The following ATP6V1E1 variants were observed in gnomAD, a reference collection of about 807,000 sequenced individuals.
The protein encoded by ATP6V1E1 is ATPase H+ transporting V1 subunit E1.
Under a neutral mutation model 35.2 loss-of-function variants are expected in ATP6V1E1, and 21 were observed. The observed-to-expected ratio is 0.60, with a 90% CI of 0.42 to 0.86. The LOEUF (loss-of-function observed/expected upper bound fraction) is 0.86, where lower values mean the gene tolerates loss of function less well. ATP6V1E1 is among the 40% of genes least tolerant of loss of function. ATP6V1E1 has a pLI of 0.00. For missense variants in ATP6V1E1, 183 were observed against 272.6 expected, an observed-to-expected ratio of 0.67 and a Z score of 2.32; for synonymous variants, 83 against 87.8, an observed-to-expected ratio of 0.95 and a Z score of 0.30.
chr22:17,626,338 G>GAAA (rs1370797196), intron 1 of ATP6V1E1, among the ~76,000 whole-genome samples: 1 of 129,466 alleles, frequency 7.7e-6, no homozygotes, highest in African/African-American at 2.9e-5. Context: ...AGAAAGAAAA[G>GAAA]AAAAAGCGGT....
Position 17,594,515 on chromosome 22 carries a change from A to AC in ATP6V1E1, c.618+13dup, listed in dbSNP as rs748948153. On this transcript the variant is annotated intron_variant, in intron 8 of 8. Transcript: ENST00000253413. ...AACAGCAGACCAACTACCAAGAAGT[A>AC]CCCCCACACTCACCTGCTGGGCTAT... The AC allele has an allele frequency of 2.6e-6, 4 of 1,537,672 alleles. No homozygotes were observed. The highest frequency in any genetic ancestry group is 1.4e-5 in the African/African-American group (1 of 72,158).
chr22:17,608,021 C>T (rs2057794887), intron 4 of ATP6V1E1, among the ~76,000 whole-genome samples: 1 of 152,202 alleles, frequency 6.6e-6, no homozygotes, highest in African/African-American at 2.4e-5. Context: ...CGGTTTTTCA[C>T]TCACACTGCT....
In ATP6V1E1 at chr22:17,600,070, C is replaced by T. The variant is rs144829775; in HGVS notation, c.392G>A (p.Arg131Gln). 8.3e-5 allele frequency: 134 copies of T among 1,613,818 alleles called. 4 individuals carry two copies. The South Asian group carries it at 1.2e-3, about 15-fold the overall frequency. ...TTGTTTCCTGCAACGAACAATCATT[C>T]GGGGCTCCAGCAACTGGTACAAACC... ...LQGLYQLLEP[R>Q]MIVRCRKQDF... is the part of the protein sequence containing the mutation. Residue 131 changes from arginine to glutamine, a missense_variant, in exon 6 of 9, where the codon CGA (arginine) becomes CAA (glutamine). Arg to Gln is a conservative substitution (Grantham distance 43). Transcript: ENST00000253413.
At chr22:17,612,073 A>T (rs1388492780) in intron 4 of ATP6V1E1, among the ~76,000 whole-genome samples, 1 of 152,174 alleles carries the variant, frequency 6.6e-6, no homozygotes, top group Non-Finnish European at 1.5e-5. Context: ...ACATTGCTGG[A>T]TTAGTTATAG....
At chr22:17,615,475 G>T (rs9617603) in intron 2 of ATP6V1E1, among the ~76,000 whole-genome samples, 1,937 of 150,456 alleles carry the variant, frequency 0.013, 34 homozygotes, top group African/African-American at 0.046. Context: ...GTGAAAGCCC[G>T]TCTCTACTAA....
rs555345231 is a variant in ATP6V1E1, at chr22:17,621,049, G to A, written c.34-1523C>T. On this transcript the variant is annotated intron_variant, in intron 1 of 8. Coordinates refer to ENST00000253413, the MANE Select transcript of ATP6V1E1 (RefSeq NM_001696.4). ...TGCACACCAGCCTGGGCGACAGAGC[G>A]AGACTCTGTCTCAAAAAAAAAAATA... 1.8e-4 allele frequency among the ~76,000 whole-genome samples: 28 copies of A among 151,974 alleles called. No individual in the cohort carries two copies. The South Asian group carries it at 4.6e-3, about 25-fold the overall frequency.
chr22:17,610,149 A>G (rs2057808336), intron 4 of ATP6V1E1, among the ~76,000 whole-genome samples: 1 of 152,158 alleles, frequency 6.6e-6, no homozygotes, highest in African/African-American at 2.4e-5. Context: ...TCTAAAAGCC[A>G]ACTAGTAATT....
chr22:17,626,014 A>G (rs1207340581), intron 1 of ATP6V1E1, among the ~76,000 whole-genome samples: 1 of 152,044 alleles, frequency 6.6e-6, no homozygotes. Flanking sequence ...AATGTAAGCA[A>G]AAGGGGTCCT....
chr22:17,619,149 G>A (rs1467005974), intron 2 of ATP6V1E1: 1 of 446,692 alleles, frequency 2.2e-6, no homozygotes, highest in African/African-American at 2.0e-5. Context: ...AATATTAGCT[G>A]GGTTTGGTGG....
intron 4 of ATP6V1E1, among the ~76,000 whole-genome samples, chr22:17,605,205 CAAAAAAA>C (rs898076791): frequency 3.6e-4 from 20 of 54,882 alleles, no homozygotes; most frequent in African/African-American, 1.6e-3. Flanking sequence ...GACTTCATCT[CAAAAAAA>C]AAAAAAAAAA....
intron 2 of ATP6V1E1, among the ~76,000 whole-genome samples, chr22:17,615,411 G>A (rs1481337099): frequency 2.0e-5 from 3 of 152,136 alleles, no homozygotes; most frequent in South Asian, 4.1e-4. Flanking sequence ...TTGGGAGGCC[G>A]AGGTAGGCGG....
At chr22:17,598,123 A>C in intron 7 of ATP6V1E1, 71 bp downstream of exon 7, 1 of 1,223,352 alleles carries the variant, frequency 8.2e-7, no homozygotes, top group South Asian at 1.2e-5. Context: ...ATACCATTTA[A>C]AAAAGGCCTG....
Position 17,628,720 on chromosome 22 carries a change from C to T in ATP6V1E1, c.-85G>A, listed in dbSNP as rs2057941216. 2 of 1,569,240 alleles carry T rather than the reference C, an allele frequency of 1.3e-6. No homozygotes were observed. The highest frequency in any genetic ancestry group is 8.8e-7 in the Non-Finnish European group (1 of 1,139,848). ...TGAGAGAAATCGGCAAAGGGAACCC[C>T]TGCGCAGATCTCGGGTTCCTTTACT... On this transcript the variant is annotated 5_prime_UTR_variant, in exon 1 of 9. Transcript: ENST00000253413.
chr22:17,625,975 C>T (rs1425836458), intron 1 of ATP6V1E1, among the ~76,000 whole-genome samples: 1 of 151,790 alleles, frequency 6.6e-6, no homozygotes, highest in Non-Finnish European at 1.5e-5. Flanking sequence ...CTACTTGGTG[C>T]CAAACACCGT....
chr22:17,619,471 A>G lies in ATP6V1E1; in HGVS notation c.89T>C (p.Ile30Thr). ...EQEANEKAEE[I>T]DAKAEEEFNI... ...GAAAATGAATCTCACCTTTGCATCT[A>G]TTTCTTCTGCTTTCTCATTGGCTTC... Residue 30 changes from isoleucine to threonine, a missense_variant, in exon 2 of 9, where the codon ATA becomes ACA. By Grantham distance (89) the Ile-to-Thr change is moderately conservative (BLOSUM62 -1). Transcript: ENST00000253413. The G allele has an allele frequency of 1.2e-6, 2 of 1,605,334 alleles. No individual in the cohort carries two copies. The highest frequency in any genetic ancestry group is 2.2e-5 in the South Asian group (2 of 89,526).
At chr22:17,598,055 C>A in intron 7 of ATP6V1E1, 139 bp downstream of exon 7, 1 of 675,838 alleles carries the variant, frequency 1.5e-6, no homozygotes, top group Non-Finnish European at 2.6e-6. Flanking sequence ...GGAACGGCTG[C>A]AAGTAGAATA....
intron 7 of ATP6V1E1, chr22:17,594,904 G>T: frequency 4.9e-6 from 1 of 203,808 alleles, no homozygotes; most frequent in Non-Finnish European, 9.8e-6. Context: ...ACTTAAAATA[G>T]CTAATACGAT....
intron 1 of ATP6V1E1, among the ~76,000 whole-genome samples, chr22:17,623,896 T>C (rs41345445): frequency 0.11 from 16,896 of 151,978 alleles, 1,146 homozygotes; most frequent in African/African-American, 0.19. Context: ...CTTTTAAGAG[T>C]TCCAAGAAGA....
intron 2 of ATP6V1E1, among the ~76,000 whole-genome samples, chr22:17,618,563 T>C (rs770863138): frequency 5.2e-4 from 78 of 150,210 alleles, no homozygotes; most frequent in Non-Finnish European, 8.1e-4. Context: ...GTGTCTGTAA[T>C]CCCAGCTACT....
Sources: gnomAD v4.1 joint callset for allele counts (sites outside exome capture counted in the v4.1 genomes callset) on GRCh38, gnomAD v4.1.1 for gene constraint, MANE v1.5 for transcripts, NCBI Gene and HGNC (gene_info 2026-07-23, HGNC 2026-07-21) for gene names.